MRPS28: variants seen among roughly 807,000 people sequenced by gnomAD.
MRPS28 encodes mitochondrial ribosomal protein S28.
MRPS28 carries 7 observed loss-of-function variants against 10.8 expected under a neutral mutation model. The observed-to-expected ratio is 0.65, with a 90% CI of 0.37 to 1.22. MRPS28 has a LOEUF of 1.22. Among genes scored for constraint, MRPS28 ranks in the 50% most tolerant of loss-of-function variants. The pLI is 0.02. For missense variants in MRPS28, 265 were observed against 232.9 expected (o/e 1.14, Z -0.90); for synonymous variants, 121 against 93.3 (o/e 1.30, Z -1.71).
At chr8:79,919,270 G>A in intron 2 of MRPS28, 122 bp from the exon 3 acceptor site, 2 of 670,652 alleles carry the variant, frequency 3.0e-6, no homozygotes, top group Non-Finnish European at 4.3e-6. Context: ...GTTAACACTG[G>A]TATCTTAGAA....
intron 2 of MRPS28, among the ~76,000 whole-genome samples, chr8:79,983,731 A>AT (rs1808054077): frequency 6.6e-6 from 1 of 152,210 alleles, no homozygotes; most frequent in Non-Finnish European, 1.5e-5. Flanking sequence ...AGAAAAAAGA[A>AT]TAAAGAGAAA....
chr8:80,009,150 T>C (rs1010411805), intron 1 of MRPS28, among the ~76,000 whole-genome samples: 1 of 152,092 alleles, frequency 6.6e-6, no homozygotes, highest in African/African-American at 2.4e-5. Flanking sequence ...CTGGAAACCA[T>C]CATTCTCAGC....
chr8:79,939,625 A>C (rs200856959), intron 2 of MRPS28, among the ~76,000 whole-genome samples: 1 of 152,180 alleles, frequency 6.6e-6, no homozygotes, highest in Admixed American at 6.5e-5. Context: ...GGTTTTTAGA[A>C]GAAAACCACT....
intron 1 of MRPS28, among the ~76,000 whole-genome samples, chr8:80,020,614 G>C (rs995555296): frequency 6.6e-6 from 1 of 152,174 alleles, no homozygotes; most frequent in East Asian, 1.9e-4. Flanking sequence ...TGAGAAACGA[G>C]AACGAAGATG....
intron 2 of MRPS28, among the ~76,000 whole-genome samples, chr8:79,955,133 T>C (rs1807172793): frequency 6.6e-6 from 1 of 152,214 alleles, no homozygotes; most frequent in Non-Finnish European, 1.5e-5. Context: ...TCTGAGGTCT[T>C]GCCTTTCTAT....
chr8:80,012,428 C>A (rs1193506630), intron 1 of MRPS28, among the ~76,000 whole-genome samples: 2 of 152,210 alleles, frequency 1.3e-5, no homozygotes, highest in Non-Finnish European at 2.9e-5. Context: ...GCAACTCCCA[C>A]AATCCATGTT....
chr8:79,960,108 C>A (rs111497208), intron 2 of MRPS28, among the ~76,000 whole-genome samples: 1 of 152,102 alleles, frequency 6.6e-6, no homozygotes, highest in Non-Finnish European at 1.5e-5. Flanking sequence ...CAGAGCAAAG[C>A]ACTGTGGAGT....
intron 2 of MRPS28, among the ~76,000 whole-genome samples, chr8:79,932,527 G>T (rs1429728929): frequency 6.6e-6 from 1 of 152,200 alleles, no homozygotes; most frequent in Non-Finnish European, 1.5e-5. Flanking sequence ...GAAGGCAGGA[G>T]GCAGGCCATG....
At chr8:80,005,890 G>A (rs1479272278) in intron 1 of MRPS28, among the ~76,000 whole-genome samples, 1 of 152,126 alleles carries the variant, frequency 6.6e-6, no homozygotes, top group Non-Finnish European at 1.5e-5. Context: ...GACAAAGAAG[G>A]CCACTACTTA....
intron 2 of MRPS28, among the ~76,000 whole-genome samples, chr8:79,921,268 T>C (rs889403607): frequency 2.0e-5 from 3 of 152,144 alleles, no homozygotes; most frequent in Non-Finnish European, 2.9e-5. Context: ...GACTTGGCGA[T>C]GTGGGCTCTT....
intron 2 of MRPS28, among the ~76,000 whole-genome samples, chr8:79,977,870 T>C (rs1045649871): frequency 1.3e-5 from 2 of 151,878 alleles, no homozygotes; most frequent in Non-Finnish European, 1.5e-5. Flanking sequence ...GAAGAAACAC[T>C]TGCATAAATA....
At chr8:79,949,003 G>A (rs182186034) in intron 2 of MRPS28, among the ~76,000 whole-genome samples, 7 of 152,216 alleles carry the variant, frequency 4.6e-5, no homozygotes, top group East Asian at 1.9e-4. Context: ...GTGGGAAATC[G>A]AGTAGGATGG....
At position 80,021,006 on chromosome 8, in the gene MRPS28, CT is replaced by C. The variant is rs372456678; in HGVS notation, c.213+9029del. 6.7e-3 allele frequency among the ~76,000 whole-genome samples: 957 copies of C among 143,040 alleles called. 5 individuals carry two copies. Among genetic ancestry groups the C allele is most frequent in the Middle Eastern group, 0.036 (10 of 278 alleles). The allele number at this position is 143,040 out of a possible 152,430, so 93.8% of individuals were successfully genotyped here. On this transcript the variant is annotated intron_variant, in intron 1 of 2. Transcript: ENST00000276585. ...GAATATATATATTCGCACACACACA[CT>C]TTTTTTTTTTTTTTGAGACTGGGTC...
At chr8:79,944,326 C>T (rs962469645) in intron 2 of MRPS28, among the ~76,000 whole-genome samples, 1 of 152,186 alleles carries the variant, frequency 6.6e-6, no homozygotes, top group Admixed American at 6.5e-5. Flanking sequence ...GCAGAATTCT[C>T]CCTTACATGA....
chr8:79,955,014 T>C (rs953283857), intron 2 of MRPS28, among the ~76,000 whole-genome samples: 9 of 145,204 alleles, frequency 6.2e-5, no homozygotes, highest in African/African-American at 2.2e-4. Context: ...AAAAAAAGAA[T>C]ATTGGAAGCT....
At chr8:79,920,148 C>T (rs937736762) in intron 2 of MRPS28, among the ~76,000 whole-genome samples, 8 of 152,090 alleles carry the variant, frequency 5.3e-5, no homozygotes, top group Non-Finnish European at 8.8e-5. Flanking sequence ...GCATAGTATT[C>T]CATGGTGTAT....
intron 2 of MRPS28, among the ~76,000 whole-genome samples, chr8:79,994,134 G>A (rs1458505783): frequency 6.6e-6 from 1 of 152,128 alleles, no homozygotes; most frequent in African/African-American, 2.4e-5. Context: ...AACTGGACTT[G>A]AAGATTTTAC....
chr8:79,972,927 G>A (rs545502200), intron 2 of MRPS28, among the ~76,000 whole-genome samples: 11 of 152,238 alleles, frequency 7.2e-5, no homozygotes, highest in African/African-American at 2.4e-4. Flanking sequence ...AAAATTGATT[G>A]AATGCTCTCA....
intron 2 of MRPS28, among the ~76,000 whole-genome samples, chr8:79,981,263 G>A (rs1176278950): frequency 6.6e-6 from 1 of 152,184 alleles, no homozygotes; most frequent in Non-Finnish European, 1.5e-5. Flanking sequence ...CCAGGAGGTG[G>A]AGGTTGTGGT....
Sources: gnomAD v4.1 joint callset for allele counts (sites outside exome capture counted in the v4.1 genomes callset) on GRCh38, gnomAD v4.1.1 for gene constraint, MANE v1.5 for transcripts, NCBI Gene and HGNC (gene_info 2026-07-23, HGNC 2026-07-21) for gene names.